Variants in SH3RF3 observed in about 807,000 individuals in gnomAD.
The protein encoded by SH3RF3 is E3 ubiquitin-protein ligase SH3RF3.
A neutral mutation model predicts 66.3 loss-of-function variants in SH3RF3; 29 were observed. The observed-to-expected ratio is 0.44, with a 90% CI of 0.33 to 0.60. The LOEUF (loss-of-function observed/expected upper bound fraction) is 0.60, where lower values mean the gene tolerates loss of function less well. Among genes scored for constraint, SH3RF3 ranks in the 20% least tolerant of loss-of-function variants. The probability of loss-of-function intolerance (pLI) is 0.04; values close to 1 mark genes in which losing one functional copy is unlikely to be tolerated. For synonymous variants in SH3RF3, 583 were observed against 532.0 expected, an observed-to-expected ratio of 1.10 and a Z score of -1.32; for missense variants, 1,194 against 1,190.9, an observed-to-expected ratio of 1.00 and a Z score of -0.04.
chr2:109,433,248 A>G (rs1206657987), intron 6 of SH3RF3, among the ~76,000 whole-genome samples: 1 of 152,264 alleles, frequency 6.6e-6, no homozygotes, highest in Non-Finnish European at 1.5e-5. Flanking sequence ...GTAAAACACT[A>G]TATACATATA....
chr2:109,415,574 A>C (rs1360221121), intron 4 of SH3RF3, among the ~76,000 whole-genome samples: 1 of 151,936 alleles, frequency 6.6e-6, no homozygotes, highest in Non-Finnish European at 1.5e-5. Flanking sequence ...GCACTTCCTG[A>C]TGGGTTCCCT....
Position 109,238,157 on chromosome 2 carries a change from G to A in SH3RF3, c.573+108044G>A, listed in dbSNP as rs552476479. On this transcript the variant is annotated intron_variant, in intron 1 of 9. Transcript: ENST00000309415. ...GGAGGCTGCAGTGAACCATGATCAT[G>A]CGGGTGCACTCTAGCTTGGGTGACA... is the stretch of plus-strand genomic sequence containing the variant. 3.3e-5 allele frequency among the ~76,000 whole-genome samples: 5 copies of A among 152,238 alleles called. No homozygotes were observed. In the South Asian group the frequency reaches 8.3e-4, roughly 25 times the overall value.
intron 1 of SH3RF3, among the ~76,000 whole-genome samples, chr2:109,266,165 G>GGTGTGTGTTGTGCGTGCAT (rs1680486957): frequency 6.7e-6 from 1 of 148,850 alleles, no homozygotes; most frequent in Non-Finnish European, 1.5e-5. Context: ...TGTTGTGTAT[G>GGTGTGTGTTGTGCGTGCAT]GTGTGTGTTG....
rs1679466457 is a variant in SH3RF3, at chr2:109,504,051, A to C, written c.*2380A>C. 6.6e-6 allele frequency: 1 copy of C among 152,230 alleles called. No individual in the cohort carries two copies. Among genetic ancestry groups the C allele is most frequent in the East Asian group, 1.9e-4 (1 of 5,190 alleles). 9.4% of individuals were successfully genotyped at this position (152,230 alleles called of 1,614,324 possible). On this transcript the variant is annotated 3_prime_UTR_variant, in exon 10 of 10. Transcript: ENST00000309415. ...GGCTGCCTGAGAGCAGAGGAAATGC[A>C]TGGCCCATGTGCATTTCTGAGTATT... is the stretch of plus-strand genomic sequence containing the variant.
chr2:109,370,316 T>G (rs1361523992), intron 2 of SH3RF3, among the ~76,000 whole-genome samples: 4 of 151,928 alleles, frequency 2.6e-5, no homozygotes, highest in African/African-American at 7.3e-5. Context: ...CTCGGCTCAC[T>G]GCAACCTCTG....
chr2:109,287,396 C>T (rs1681051784), intron 1 of SH3RF3, among the ~76,000 whole-genome samples: 1 of 152,168 alleles, frequency 6.6e-6, no homozygotes, highest in South Asian at 2.1e-4. Context: ...ACATGTTTAT[C>T]TGTGGGCTTA....
At chr2:109,350,196 C>T (rs938946869) in intron 2 of SH3RF3, among the ~76,000 whole-genome samples, 8 of 152,112 alleles carry the variant, frequency 5.3e-5, no homozygotes, top group African/African-American at 9.7e-5. Flanking sequence ...TGGGGGTAGC[C>T]GAGCAGGGGT....
chr2:109,449,356 C>A lies in SH3RF3; in HGVS notation c.2015C>A (p.Ala672Glu). Residue 672 changes from alanine (A) to glutamate (E), a missense_variant, in exon 8 of 10, where the codon GCA becomes GAA. Physicochemically the swap from Ala to Glu is moderately radical, Grantham distance 107. Coordinates refer to ENST00000309415, the MANE Select transcript of SH3RF3 (RefSeq NM_001099289.3). The part of the protein sequence containing the change: ...PRPAIPLTSA[A>E]SAITPPNVSA... ...CCGGCCATCCCCCTCACATCAGCAG[C>A]ATCAGCCATCACACCTCCCAACGTC... 1 of 1,608,534 alleles carries A rather than the reference C, an allele frequency of 6.2e-7. No individual in the cohort carries two copies. The highest frequency in any genetic ancestry group is 8.5e-7 in the Non-Finnish European group (1 of 1,177,032).
intron 1 of SH3RF3, among the ~76,000 whole-genome samples, chr2:109,249,573 T>TTCCG (rs1680027293): frequency 7.3e-6 from 1 of 137,434 alleles, no homozygotes; most frequent in African/African-American, 2.9e-5. Flanking sequence ...CCTTCCTTCC[T>TTCCG]TCCTTCCTTC....
intron 1 of SH3RF3, among the ~76,000 whole-genome samples, chr2:109,296,358 G>C (rs1003773532): frequency 1.3e-5 from 2 of 152,014 alleles, no homozygotes; most frequent in Non-Finnish European, 2.9e-5. Flanking sequence ...CTCCCGAGTA[G>C]CTGGGATTAC....
intron 1 of SH3RF3, among the ~76,000 whole-genome samples, chr2:109,149,049 C>A (rs772059427): frequency 6.6e-6 from 1 of 152,186 alleles, no homozygotes; most frequent in Non-Finnish European, 1.5e-5. Flanking sequence ...TTCATTTGCT[C>A]TTTCCTTCCT....
chr2:109,327,849 C>T (rs531858632), intron 1 of SH3RF3, among the ~76,000 whole-genome samples: 4 of 152,252 alleles, frequency 2.6e-5, no homozygotes, highest in African/African-American at 9.6e-5. Flanking sequence ...CATGTTTGCC[C>T]TTTGCATAAA....
chr2:109,243,323 G>T (rs1007592881), intron 1 of SH3RF3, among the ~76,000 whole-genome samples: 2 of 152,256 alleles, frequency 1.3e-5, no homozygotes, highest in Non-Finnish European at 2.9e-5. Flanking sequence ...TGCTTTTGCA[G>T]CCCTGAGATT....
chr2:109,339,166 G>A (rs981542243), intron 1 of SH3RF3, among the ~76,000 whole-genome samples: 2 of 151,610 alleles, frequency 1.3e-5, no homozygotes, highest in African/African-American at 4.9e-5. Flanking sequence ...AGAGGAGGTG[G>A]ACGGGTAGGC....
chr2:109,394,039 C>T (rs938822274), intron 3 of SH3RF3, among the ~76,000 whole-genome samples: 1 of 152,140 alleles, frequency 6.6e-6, no homozygotes, highest in Non-Finnish European at 1.5e-5. Context: ...GGGAGAGAGT[C>T]TTCTCTATTC....
chr2:109,316,967 T>C (rs1302691595), intron 1 of SH3RF3, among the ~76,000 whole-genome samples: 1 of 152,166 alleles, frequency 6.6e-6, no homozygotes, highest in Non-Finnish European at 1.5e-5. Flanking sequence ...CCATGTCTTT[T>C]CATGGCTTCA....
intron 1 of SH3RF3, among the ~76,000 whole-genome samples, chr2:109,162,333 C>T (rs972523507): frequency 3.9e-5 from 6 of 152,208 alleles, no homozygotes; most frequent in Non-Finnish European, 7.3e-5. Flanking sequence ...TGCTCTGACA[C>T]GTAAGCCCTC....
At position 109,261,991 on chromosome 2, in the gene SH3RF3, T is replaced by C. The variant is rs190130857; in HGVS notation, c.574-85683T>C. On this transcript the variant is annotated intron_variant, in intron 1 of 9. Transcript: ENST00000309415. ...CATCAGAGGAAGGGCCACAAAGCTCTATAAAACCAGGTCCCCTAAGAGTGG... is the reference window on the plus strand; with the variant it reads ...CATCAGAGGAAGGGCCACAAAGCTCCATAAAACCAGGTCCCCTAAGAGTGG... 7.3e-3 allele frequency among the ~76,000 whole-genome samples: 1,115 copies of C among 152,294 alleles called. 8 individuals carry two copies. Among genetic ancestry groups the C allele is most frequent in the South Asian group, 0.024 (115 of 4,816 alleles).
chr2:109,430,582 T>TCCTCC (rs1239165152), intron 5 of SH3RF3, among the ~76,000 whole-genome samples: 1 of 151,836 alleles, frequency 6.6e-6, no homozygotes, highest in Non-Finnish European at 1.5e-5. Context: ...CGTTCTCCTC[T>TCCTCC]CCTCCCCTCC....
Sources: allele counts gnomAD v4.1 joint callset (sites outside exome capture counted in the v4.1 genomes callset), GRCh38; gene constraint gnomAD v4.1.1; transcripts MANE v1.5; gene names NCBI Gene and HGNC (gene_info 2026-07-23, HGNC 2026-07-21).